Variants in TALDO1 observed in about 807,000 individuals in gnomAD.
The protein encoded by TALDO1 is transaldolase.
A neutral mutation model predicts 38.1 loss-of-function variants in TALDO1; 29 were observed. The ratio of observed to expected loss-of-function variants is 0.76; its 90% CI spans 0.57 to 1.04. The LOEUF (loss-of-function observed/expected upper bound fraction) is 1.04. Among genes scored for constraint, TALDO1 ranks in the 50% least tolerant of loss-of-function variants. The pLI, the probability that TALDO1 is intolerant of heterozygous loss-of-function variation, is 0.00. For synonymous variants in TALDO1, 207 were observed against 176.8 expected (o/e 1.17, Z -1.36); for missense variants, 499 against 438.1 (o/e 1.14, Z -1.24).
At chr11:754,049 A>G (rs1252188702) in intron 1 of TALDO1, among the ~76,000 whole-genome samples, 1 of 151,886 alleles carries the variant, frequency 6.6e-6, no homozygotes, top group Non-Finnish European at 1.5e-5. Flanking sequence ...CAGTGGCACA[A>G]TCTCGGCTCA....
intron 1 of TALDO1, 102 bp downstream of exon 1, chr11:747,680 G>A (rs1222106532): frequency 4.7e-6 from 5 of 1,066,054 alleles, no homozygotes; most frequent in Admixed American, 5.1e-5. Flanking sequence ...ACCGGGTGGC[G>A]GTGCCCCGGG....
rs1173809058 is a variant in TALDO1, at chr11:763,480, A to G, written c.598A>G (p.Asn200Asp). The G allele has an allele frequency of 1.2e-6, 2 of 1,613,476 alleles. No homozygotes were observed. The highest frequency in any genetic ancestry group is 1.7e-6 in the Non-Finnish European group (2 of 1,179,868). Reference protein sequence around the residue: ...VGRILDWHVANTDKKSYEPLE... With the variant: ...VGRILDWHVADTDKKSYEPLE... ...GCGCATCCTTGATTGGCATGTGGCA[A>G]ACACCGACAAGAAATCCTATGAGCC... is the stretch of plus-strand genomic sequence containing the variant. The change falls in exon 5 of 8, where the codon AAC (asparagine) becomes GAC (aspartate). Residue 200 changes from asparagine to aspartate, a missense_variant. Coordinates refer to ENST00000319006, the MANE Select transcript of TALDO1 (RefSeq NM_006755.2).
rs757379621 is a variant in TALDO1 at position 764,881 on chromosome 11, C to T, written c.*36C>T. 2.4e-5 allele frequency: 38 copies of T among 1,613,624 alleles called. No homozygotes were observed. Among genetic ancestry groups the T allele is most frequent in the African/African-American group, 8.0e-5 (6 of 74,934 alleles). ...AGGCTGGACTCCAGATCTGCACCGCCGGCCAGCTGGGATCTGACTGCACGT... is the reference window on the plus strand; with the variant it reads ...AGGCTGGACTCCAGATCTGCACCGCTGGCCAGCTGGGATCTGACTGCACGT... On this transcript the variant is annotated 3_prime_UTR_variant, in exon 8 of 8. Coordinates refer to ENST00000319006, the MANE Select transcript of TALDO1 (RefSeq NM_006755.2).
At chr11:753,682 C>T (rs530154276) in intron 1 of TALDO1, among the ~76,000 whole-genome samples, 91 of 151,886 alleles carry the variant, frequency 6.0e-4, no homozygotes, top group African/African-American at 2.1e-3. Flanking sequence ...TGAGCTTGCG[C>T]CACTGCACTC....
chr11:764,043 C>G (rs1007865690), intron 6 of TALDO1, 99 bp downstream of exon 6: 5 of 1,469,042 alleles, frequency 3.4e-6, no homozygotes, highest in Admixed American at 2.0e-5. Flanking sequence ...GTGGGGCGAG[C>G]TCATCTTGGG....
chr11:762,615 G>A (rs1862958153), intron 4 of TALDO1, among the ~76,000 whole-genome samples: 1 of 152,216 alleles, frequency 6.6e-6, no homozygotes, highest in South Asian at 2.1e-4. Context: ...ACCCCCGTGT[G>A]GCCATGTGGC....
intron 4 of TALDO1, chr11:760,553 C>T (rs1862910727): frequency 2.4e-6 from 1 of 411,832 alleles, no homozygotes; most frequent in Non-Finnish European, 4.6e-6. Flanking sequence ...TGTCCTTCCT[C>T]TGTCCTGATC....
rs1863027197 is a variant in TALDO1, at chr11:765,004, C to T, written c.*159C>T. ...ATTTTGCCTAATACATTAAAGCAGT[C>T]ACTTTTCCTGTGCTGTTTCATTCAC... is the stretch of plus-strand genomic sequence containing the variant. On this transcript the variant is annotated 3_prime_UTR_variant, in exon 8 of 8. Coordinates refer to ENST00000319006, the MANE Select transcript of TALDO1 (RefSeq NM_006755.2). 2.1e-6 allele frequency: 2 copies of T among 943,254 alleles called. No individual in the cohort carries two copies. The highest frequency in any genetic ancestry group is 2.0e-5 in the Admixed American group (1 of 50,250). 58.4% of individuals were successfully genotyped at this position (943,254 alleles called of 1,614,324 possible).
chr11:750,795 A>G (rs1011394573), intron 1 of TALDO1, among the ~76,000 whole-genome samples: 2 of 151,964 alleles, frequency 1.3e-5, no homozygotes, highest in African/African-American at 4.8e-5. Flanking sequence ...ACTGCACTCC[A>G]GCCTGGGCGA....
At chr11:759,124 A>C (rs1049811172) in intron 3 of TALDO1, 67 bp downstream of exon 3, 3 of 1,359,190 alleles carry the variant, frequency 2.2e-6, no homozygotes, top group Admixed American at 3.4e-5. Flanking sequence ...GTGGATGCCA[A>C]CATGAGGTCA....
In TALDO1 at chr11:763,345, G is replaced by A. The variant is rs752286797; in HGVS notation, c.463G>A (p.Glu155Lys). 3 of 1,577,888 alleles carry A rather than the reference G, an allele frequency of 1.9e-6. No homozygotes were observed. The highest frequency in any genetic ancestry group is 4.7e-5 in the East Asian group (2 of 42,790). ...CCCTCACCTGTCCCCGCCCCGCAGG[G>A]AGCTCGAGGAGCAGCACGGCATCCA... Reference protein sequence around the residue: ...STWEGIQAGKELEEQHGIHCN... With the variant: ...STWEGIQAGKKLEEQHGIHCN... The change falls in exon 5 of 8, where the codon GAG becomes AAG. Residue 155 changes from glutamate (E) to lysine (K), a missense_variant and splice_region_variant. Transcript: ENST00000319006.
chr11:756,903 G>A (rs1862847466), intron 2 of TALDO1, among the ~76,000 whole-genome samples: 1 of 152,178 alleles, frequency 6.6e-6, no homozygotes, highest in Non-Finnish European at 1.5e-5. Flanking sequence ...ACCCAACCAA[G>A]CAACTGTAGA....
Position 764,913 on chromosome 11 carries a change from T to C in TALDO1, c.*68T>C. 1 of 1,602,870 alleles carries C rather than the reference T, an allele frequency of 6.2e-7. No individual in the cohort carries two copies. The highest frequency in any genetic ancestry group is 8.5e-7 in the Non-Finnish European group (1 of 1,170,922). ...CTGGGATCTGACTGCACGTGGCTTC[T>C]GATGAATCTTGCGTTTTTTACAAAT... On this transcript the variant is annotated 3_prime_UTR_variant, in exon 8 of 8. Transcript: ENST00000319006.
At chr11:764,588 G>C in intron 7 of TALDO1, 155 bp downstream of exon 7, 1 of 1,381,516 alleles carries the variant, frequency 7.2e-7, no homozygotes, top group Non-Finnish European at 1.0e-6. Context: ...GGCCATCCCA[G>C]GGTGGAGGGT....
In TALDO1 at chr11:764,370, G is replaced by A; in HGVS notation, c.918G>A (p.Glu306=). The change falls in exon 7 of 8, where the codon GAG becomes GAA. Residue 306 remains glutamate (E), a synonymous_variant. Transcript: ENST00000319006. ...ACAACGAGGACCAGATGGCTGTGGAGAAGCTCTCTGACGGGATCCGCAAGT... is the reference window on the plus strand; with the variant it reads ...ACAACGAGGACCAGATGGCTGTGGAAAAGCTCTCTGACGGGATCCGCAAGT... The part of the protein sequence containing the change: ...WLHNEDQMAV[E]KLSDGIRKFA... 1.2e-6 allele frequency: 2 copies of A among 1,614,192 alleles called. No homozygotes were observed. Among genetic ancestry groups the A allele is most frequent in the Middle Eastern group, 3.3e-4 (2 of 6,062 alleles).
chr11:754,610 T>C (rs957690464), intron 1 of TALDO1, among the ~76,000 whole-genome samples: 1 of 152,126 alleles, frequency 6.6e-6, no homozygotes. Flanking sequence ...TAGCTGGGAT[T>C]ACGGGCATGT....
At chr11:751,211 C>T (rs938277946) in intron 1 of TALDO1, among the ~76,000 whole-genome samples, 11 of 151,928 alleles carry the variant, frequency 7.2e-5, no homozygotes, top group Admixed American at 5.2e-4. Context: ...TACAGATGTG[C>T]GCCACCACTC....
intron 1 of TALDO1, chr11:755,646 G>A: frequency 1.7e-6 from 1 of 576,844 alleles, no homozygotes; most frequent in East Asian, 3.2e-5. Context: ...CTCTTGCAGG[G>A]GCATATTTGA....
intron 7 of TALDO1, 81 bp from the exon 8 acceptor site, chr11:764,732 C>T: frequency 6.2e-7 from 1 of 1,606,676 alleles, no homozygotes; most frequent in Non-Finnish European, 8.5e-7. Flanking sequence ...GGGCCTCCCT[C>T]CTTCCACATG....
Sources: gnomAD v4.1 joint callset for allele counts (sites outside exome capture counted in the v4.1 genomes callset) on GRCh38, gnomAD v4.1.1 for gene constraint, MANE v1.5 for transcripts, NCBI Gene and HGNC (gene_info 2026-07-23, HGNC 2026-07-21) for gene names.